The following PACRG variants were observed in gnomAD, a reference collection of about 807,000 sequenced individuals.
PACRG encodes parkin coregulated gene protein.
Under a neutral mutation model 29.7 loss-of-function variants are expected in PACRG, and 29 were observed. The observed-to-expected ratio is 0.98, with a 90% confidence interval of 0.73 to 1.33. The LOEUF (loss-of-function observed/expected upper bound fraction) is 1.33. Among genes scored for constraint, PACRG ranks in the 40% most tolerant of loss-of-function variants. The probability of loss-of-function intolerance (pLI) is 0.00; values close to 1 mark genes in which losing one functional copy is unlikely to be tolerated. For missense variants in PACRG, 279 were observed against 316.2 expected (o/e 0.88, Z 0.89); for synonymous variants, 116 against 118.7 (o/e 0.98, Z 0.15).
intron 3 of PACRG, among the ~76,000 whole-genome samples, chr6:163,066,873 T>G (rs145371937): frequency 5.3e-5 from 8 of 152,206 alleles, no homozygotes; most frequent in Non-Finnish European, 8.8e-5. Context: ...AAAATTTAAT[T>G]GTAAAGAGTT....
At chr6:162,792,658 C>T (rs528647215) in intron 1 of PACRG, among the ~76,000 whole-genome samples, 1 of 152,300 alleles carries the variant, frequency 6.6e-6, no homozygotes, top group East Asian at 1.9e-4. Context: ...AGAGAGAAAA[C>T]AACCAACACT....
At chr6:163,251,169 G>A (rs1259242335) in intron 4 of PACRG, among the ~76,000 whole-genome samples, 1 of 151,772 alleles carries the variant, frequency 6.6e-6, no homozygotes, top group Non-Finnish European at 1.5e-5. Flanking sequence ...TATACTGCTC[G>A]GGTGATGTGT....
chr6:163,255,067 A>T (rs1783055639), intron 4 of PACRG, among the ~76,000 whole-genome samples: 2 of 152,316 alleles, frequency 1.3e-5, no homozygotes, highest in Non-Finnish European at 2.9e-5. Context: ...GTTAACCTGG[A>T]CTTAGACCCA....
At chr6:162,766,661 C>T (rs915788529) in intron 1 of PACRG, among the ~76,000 whole-genome samples, 1 of 152,072 alleles carries the variant, frequency 6.6e-6, no homozygotes, top group South Asian at 2.1e-4. Flanking sequence ...TTCAAAATGG[C>T]TGTACGAATT....
At chr6:163,217,776 A>C (rs1373645498) in intron 4 of PACRG, among the ~76,000 whole-genome samples, 1 of 151,898 alleles carries the variant, frequency 6.6e-6, no homozygotes, top group Non-Finnish European at 1.5e-5. Context: ...GGCTGTGTGC[A>C]CCTTGTGAGA....
rs747822659 is a variant in PACRG, at chr6:163,062,335, T to C, written c.463+14T>C. Reference sequence around the variant, plus strand: ...TCCCGATAAAAAGTAAGTGAACCGGTGAAAAAGCATCACTCAGTTTATACG... The same window carrying C: ...TCCCGATAAAAAGTAAGTGAACCGGCGAAAAAGCATCACTCAGTTTATACG... On this transcript the variant is annotated intron_variant, in intron 3 of 4. Transcript: ENST00000366888. 10 of 1,603,986 alleles carry C rather than the reference T, an allele frequency of 6.2e-6. No homozygotes were observed. In the East Asian group the frequency reaches 2.2e-4, roughly 36 times the overall value.
rs369149418 is a variant in PACRG at position 162,943,432 on chromosome 6, T to TGCC, written c.292-118717_292-118715dup. 4.1e-3 allele frequency among the ~76,000 whole-genome samples: 620 copies of TGCC among 152,260 alleles called. 2 individuals carry two copies. The highest frequency in any genetic ancestry group is 0.014 in the African/African-American group (592 of 41,550). The stretch of plus-strand genomic sequence containing the variant: ...TGCCCTGAGGACAAGGTACCCTGCC[T>TGCC]GCCACCACCACCAGGCTGAAGTGCA... On this transcript the variant is annotated intron_variant, in intron 2 of 4. Coordinates refer to ENST00000366888, the MANE Select transcript of PACRG (RefSeq NM_001080379.2).
At chr6:163,110,583 C>T (rs1815657655) in intron 4 of PACRG, among the ~76,000 whole-genome samples, 1 of 152,202 alleles carries the variant, frequency 6.6e-6, no homozygotes, top group African/African-American at 2.4e-5. Flanking sequence ...TTGTCTGAGA[C>T]TCCCAGTGGT....
chr6:162,901,486 T>C (rs1039391770), intron 2 of PACRG, among the ~76,000 whole-genome samples: 2 of 152,202 alleles, frequency 1.3e-5, no homozygotes, highest in Non-Finnish European at 2.9e-5. Context: ...GGATGATACA[T>C]AGATAAAGGT....
chr6:163,039,823 A>G (rs537546834), intron 2 of PACRG, among the ~76,000 whole-genome samples: 2 of 152,338 alleles, frequency 1.3e-5, no homozygotes, highest in Admixed American at 6.5e-5. Flanking sequence ...ATGGTTTGAT[A>G]TTGGAACTTA....
intron 4 of PACRG, among the ~76,000 whole-genome samples, chr6:163,219,442 A>G (rs777794730): frequency 4.9e-4 from 74 of 152,166 alleles, no homozygotes; most frequent in Non-Finnish European, 6.9e-4. Context: ...TTTGTCTTCT[A>G]GTTCTTCTCC....
rs540747655 is a variant in PACRG at position 162,912,986 on chromosome 6, C to T, written c.291+98705C>T. Among the ~76,000 whole-genome samples the T allele has an allele frequency of 1.1e-3, 160 of 151,300 alleles. 6 individuals are homozygous for T. In the South Asian group the frequency reaches 0.03, roughly 28 times the overall value. ...TTGGGGATAAGCTCAAAGGATATTT[C>T]GACTTCATATAAAATTTTATGTATA... is the stretch of plus-strand genomic sequence containing the variant. On this transcript the variant is annotated intron_variant, in intron 2 of 4. Coordinates refer to ENST00000366888, the MANE Select transcript of PACRG (RefSeq NM_001080379.2).
chr6:162,970,308 A>AGTCTGAGGAGGGT (rs1361472567), intron 2 of PACRG, among the ~76,000 whole-genome samples: 1 of 152,130 alleles, frequency 6.6e-6, no homozygotes, highest in African/African-American at 2.4e-5. Flanking sequence ...GAATGAGCAC[A>AGTCTGAGGAGGGT]GTCTGAGGAG....
At chr6:162,866,658 CCT>C (rs1483870340) in intron 2 of PACRG, among the ~76,000 whole-genome samples, 1 of 152,116 alleles carries the variant, frequency 6.6e-6, no homozygotes, top group African/African-American at 2.4e-5. Context: ...TTCCAATTCC[CCT>C]GTTTCAACTA....
At chr6:162,797,959 A>G (rs1270487094) in intron 1 of PACRG, among the ~76,000 whole-genome samples, 2 of 152,198 alleles carry the variant, frequency 1.3e-5, no homozygotes, top group Non-Finnish European at 2.9e-5. Flanking sequence ...GGGATTCACC[A>G]AGTTTTAAAA....
upstream of PACRG, chr6:162,727,713 C>T (rs922956128): frequency 3.2e-6 from 5 of 1,551,182 alleles, no homozygotes; most frequent in Middle Eastern, 1.7e-4. Context: ...CAGGCCCATG[C>T]GCGCAGCGGC....
At position 163,099,153 on chromosome 6, in the gene PACRG, T is replaced by C. The variant is rs908485458; in HGVS notation, c.613+9745T>C. 1.6e-4 allele frequency among the ~76,000 whole-genome samples: 25 copies of C among 152,302 alleles called. 1 individual carries two copies. Among genetic ancestry groups the C allele is most frequent in the Admixed American group, 1.4e-3 (21 of 15,308 alleles). On this transcript the variant is annotated intron_variant, in intron 4 of 4. Transcript: ENST00000366888. Reference sequence around the variant, plus strand: ...TTTGCTCTGGTTTAAACGCCTCTGATACCTTGTCACCCCTCCACCCCTCTG... The same window carrying C: ...TTTGCTCTGGTTTAAACGCCTCTGACACCTTGTCACCCCTCCACCCCTCTG...
At chr6:163,176,157 T>C (rs1343392291) in intron 4 of PACRG, among the ~76,000 whole-genome samples, 2 of 152,202 alleles carry the variant, frequency 1.3e-5, no homozygotes, top group East Asian at 1.9e-4. Flanking sequence ...ATAGTCTGCA[T>C]AGAGAATCTC....
chr6:163,307,880 C>A (rs915386412), intron 4 of PACRG, among the ~76,000 whole-genome samples: 1 of 152,152 alleles, frequency 6.6e-6, no homozygotes, highest in African/African-American at 2.4e-5. Flanking sequence ...CTGCCTCTTT[C>A]TTTTCTTTCT....
Sources: allele counts gnomAD v4.1 joint callset (sites outside exome capture counted in the v4.1 genomes callset), GRCh38; gene constraint gnomAD v4.1.1; transcripts MANE v1.5; gene names NCBI Gene and HGNC (gene_info 2026-07-23, HGNC 2026-07-21).